EPB41L4B: variants seen among roughly 807,000 people sequenced by gnomAD.
EPB41L4B encodes the protein band 4.1-like protein 4B.
EPB41L4B carries 30 observed loss-of-function variants against 112.5 expected under a neutral mutation model. The observed-to-expected ratio is 0.27, with a 90% CI of 0.20 to 0.36. EPB41L4B has a LOEUF of 0.36. EPB41L4B is among the 10% of genes least tolerant of loss of function. The pLI, the probability that EPB41L4B is intolerant of heterozygous loss-of-function variation, is 1.00. For missense variants in EPB41L4B, 1,024 were observed against 1,133.3 expected (o/e 0.90, Z 1.38); for synonymous variants, 408 against 439.7 (o/e 0.93, Z 0.90).
intron 1 of EPB41L4B, among the ~76,000 whole-genome samples, chr9:109,291,883 A>G (rs1361947425): frequency 1.3e-5 from 2 of 152,132 alleles, no homozygotes; most frequent in Non-Finnish European, 2.9e-5. Context: ...TCACGGAGGG[A>G]TCAATTTAAA....
intron 15 of EPB41L4B, among the ~76,000 whole-genome samples, chr9:109,227,818 G>A (rs938013365): frequency 6.6e-6 from 1 of 152,102 alleles, no homozygotes; most frequent in African/African-American, 2.4e-5. Context: ...TTGACCTCGT[G>A]ATCTGCCCAC....
intron 1 of EPB41L4B, among the ~76,000 whole-genome samples, 193 bp from the exon 2 acceptor site, chr9:109,280,114 C>G (rs1455255399): frequency 1.3e-5 from 2 of 152,158 alleles, no homozygotes; most frequent in Admixed American, 1.3e-4. Context: ...CACATAATAG[C>G]ATAAAGTTAA....
rs12343925 is a variant in EPB41L4B at position 109,247,928 on chromosome 9, T to G, written c.1311-139A>C. The G allele has an allele frequency of 4.1e-3, 2,237 of 543,900 alleles. 43 individuals are homozygous for G. Among genetic ancestry groups the G allele is most frequent in the African/African-American group, 0.04 (2,047 of 51,104 alleles). 33.7% of individuals were successfully genotyped at this position (543,900 alleles called of 1,614,324 possible). A position where few individuals can be genotyped will look rare whatever the true frequency, so the allele number is the denominator to read the frequency against. On this transcript the variant is annotated intron_variant, in intron 13 of 25. Coordinates refer to ENST00000374566, the MANE Select transcript of EPB41L4B (RefSeq NM_019114.5). ...ATAGGAACTTCCACATAATGACTTT[T>G]TTTTGGTTATTGGCTGTTTAAAATG...
intron 7 of EPB41L4B, among the ~76,000 whole-genome samples, chr9:109,257,397 A>G (rs1835023391): frequency 6.6e-6 from 1 of 152,158 alleles, no homozygotes. Context: ...GAAAAAACAA[A>G]GGGGATAAAT....
chr9:109,270,630 C>T (rs1387367110), intron 2 of EPB41L4B, among the ~76,000 whole-genome samples: 4 of 152,234 alleles, frequency 2.6e-5, no homozygotes, highest in Non-Finnish European at 5.9e-5. Flanking sequence ...AAAGAATTCA[C>T]CATTCATCCC....
intron 1 of EPB41L4B, among the ~76,000 whole-genome samples, chr9:109,304,034 C>G (rs1837079448): frequency 6.6e-6 from 1 of 152,150 alleles, no homozygotes; most frequent in Non-Finnish European, 1.5e-5. Context: ...GAACCAGACT[C>G]CCTGGGTCCA....
At chr9:109,226,944 T>C (rs1353367872) in intron 15 of EPB41L4B, among the ~76,000 whole-genome samples, 1 of 151,526 alleles carries the variant, frequency 6.6e-6, no homozygotes, top group Non-Finnish European at 1.5e-5. Flanking sequence ...GCTCAAGCAA[T>C]CTTCTTCTCT....
chr9:109,287,108 G>T (rs1334762760), intron 1 of EPB41L4B, among the ~76,000 whole-genome samples: 7 of 152,192 alleles, frequency 4.6e-5, no homozygotes, highest in Admixed American at 4.6e-4. Flanking sequence ...TGTAAAATAA[G>T]AGTACATAGT....
chr9:109,310,484 A>C (rs1414156828), intron 1 of EPB41L4B, among the ~76,000 whole-genome samples: 1 of 152,204 alleles, frequency 6.6e-6, no homozygotes, highest in African/African-American at 2.4e-5. Flanking sequence ...CATGTTATAG[A>C]GAGTCTTTTG....
chr9:109,185,830 T>G (rs1168244098), intron 22 of EPB41L4B, among the ~76,000 whole-genome samples: 2 of 122,462 alleles, frequency 1.6e-5, no homozygotes, highest in Non-Finnish European at 3.2e-5. Flanking sequence ...CTTTTCTCCT[T>G]TCTGTCTTTC....
intron 1 of EPB41L4B, chr9:109,300,475 C>A (rs1211727468): frequency 6.6e-6 from 1 of 152,116 alleles, no homozygotes; most frequent in African/African-American, 2.4e-5. Context: ...TTAACAGTAA[C>A]CATATTTATA....
At chr9:109,308,182 G>A (rs1290852929) in intron 1 of EPB41L4B, among the ~76,000 whole-genome samples, 1 of 151,980 alleles carries the variant, frequency 6.6e-6, no homozygotes, top group Non-Finnish European at 1.5e-5. Flanking sequence ...AGGGCCTCCC[G>A]AGTATGTGAA....
chr9:109,222,832 C>A (rs556866714), intron 15 of EPB41L4B, among the ~76,000 whole-genome samples: 42 of 152,202 alleles, frequency 2.8e-4, no homozygotes, highest in African/African-American at 9.6e-4. Context: ...TGCTGGTGCC[C>A]CCTTAGACAC....
chr9:109,251,421 T>C lies in EPB41L4B; in HGVS notation c.1310+60A>G, dbSNP rs1039253096. The C allele has an allele frequency of 7.9e-6, 12 of 1,523,146 alleles. No individual in the cohort carries two copies. In the African/African-American group the frequency reaches 8.2e-5, roughly 10 times the overall value. The allele number at this position is 1,523,146 out of a possible 1,614,324, so 94.4% of individuals were successfully genotyped here. A position where few individuals can be genotyped will look rare whatever the true frequency, so the allele number is the denominator to read the frequency against. Reference sequence around the variant, plus strand: ...CACTGTAGTAAGGAAAAAGTCAACATTGCAAATAAATACGATCCTTAGAGA... The same window carrying C: ...CACTGTAGTAAGGAAAAAGTCAACACTGCAAATAAATACGATCCTTAGAGA... On this transcript the variant is annotated intron_variant, in intron 13 of 25. Coordinates refer to ENST00000374566, the MANE Select transcript of EPB41L4B (RefSeq NM_019114.5).
intron 1 of EPB41L4B, among the ~76,000 whole-genome samples, chr9:109,313,871 T>TA (rs140921113): frequency 0.047 from 7,210 of 152,320 alleles, 237 homozygotes; most frequent in East Asian, 0.067. Flanking sequence ...TTCATCATTT[T>TA]AAAAACATGT....
At position 109,176,720 on chromosome 9, in the gene EPB41L4B, A is replaced by G. The variant is rs907963551; in HGVS notation, c.2488-24T>C. On this transcript the variant is annotated intron_variant, in intron 24 of 25. Coordinates refer to ENST00000374566, the MANE Select transcript of EPB41L4B (RefSeq NM_019114.5). ...GCCTGGAGAAGAAACAGGAAAGAGG[A>G]GATCAATCTCAATTTGGGTTCCATT... 3 of 1,612,716 alleles carry G rather than the reference A, an allele frequency of 1.9e-6. No individual in the cohort carries two copies. The African/African-American group carries it at 4.0e-5, about 22-fold the overall frequency.
chr9:109,287,596 G>A (rs10979803), intron 1 of EPB41L4B, among the ~76,000 whole-genome samples: 26,650 of 152,092 alleles, frequency 0.18, 3,048 homozygotes, highest in Admixed American at 0.24. Flanking sequence ...GAGGGTAAAC[G>A]TGGCTCCCCT....
chr9:109,210,854 T>C (rs1339878192), intron 17 of EPB41L4B, among the ~76,000 whole-genome samples: 1 of 152,224 alleles, frequency 6.6e-6, no homozygotes, highest in East Asian at 1.9e-4. Context: ...ATTTGAATTG[T>C]GGAAAGATAC....
At chr9:109,275,153 T>C (rs777277208) in intron 2 of EPB41L4B, among the ~76,000 whole-genome samples, 2 of 152,212 alleles carry the variant, frequency 1.3e-5, no homozygotes, top group Non-Finnish European at 2.9e-5. Context: ...GCTTTGACAG[T>C]TGCTTCAGGG....
Sources: allele counts gnomAD v4.1 joint callset (sites outside exome capture counted in the v4.1 genomes callset), GRCh38; gene constraint gnomAD v4.1.1; transcripts MANE v1.5; gene names NCBI Gene and HGNC (gene_info 2026-07-23, HGNC 2026-07-21).